Variants in NALCN observed in about 807,000 individuals in gnomAD.
NALCN encodes the protein sodium leak channel, non-selective.
NALCN carries 111 observed loss-of-function variants against 225.3 expected under a neutral mutation model. The observed-to-expected ratio is 0.49, with a 90% CI of 0.42 to 0.58. The LOEUF (loss-of-function observed/expected upper bound fraction) is 0.58, where lower values mean the gene tolerates loss of function less well. Among genes scored for constraint, NALCN ranks in the 20% least tolerant of loss-of-function variants. NALCN has a pLI of 0.00. For synonymous variants in NALCN, 764 were observed against 769.0 expected (o/e 0.99, Z 0.11); for missense variants, 1,378 against 2,202.4 (o/e 0.63, Z 7.49).
intron 6 of NALCN, among the ~76,000 whole-genome samples, chr13:101,369,441 T>C (rs1309598343): frequency 1.3e-5 from 2 of 152,154 alleles, no homozygotes; most frequent in Admixed American, 6.5e-5. Context: ...TAGCAAAGAA[T>C]ACTTACTGAA....
intron 28 of NALCN, among the ~76,000 whole-genome samples, chr13:101,091,772 C>A (rs1013374332): frequency 6.6e-6 from 1 of 152,108 alleles, no homozygotes; most frequent in Non-Finnish European, 1.5e-5. Flanking sequence ...TCCTTACCTG[C>A]TCATTTTCTT....
chr13:101,338,189 C>T (rs1167011144), intron 7 of NALCN, among the ~76,000 whole-genome samples: 2 of 152,168 alleles, frequency 1.3e-5, no homozygotes, highest in South Asian at 4.1e-4. Context: ...CAAAGTGATC[C>T]ACCATATACA....
At chr13:101,202,841 G>A (rs2040175417) in intron 13 of NALCN, among the ~76,000 whole-genome samples, 1 of 152,178 alleles carries the variant, frequency 6.6e-6, no homozygotes, top group Non-Finnish European at 1.5e-5. Flanking sequence ...AGAAGGAATG[G>A]CTGAGGGACT....
chr13:101,355,534 C>A (rs990496237), intron 6 of NALCN, among the ~76,000 whole-genome samples: 71 of 152,194 alleles, frequency 4.7e-4, no homozygotes, highest in Middle Eastern at 3.4e-3. Context: ...TACAGGAGCA[C>A]CCAGATTCAT....
intron 6 of NALCN, among the ~76,000 whole-genome samples, chr13:101,372,893 T>G (rs2046580303): frequency 6.6e-6 from 1 of 151,872 alleles, no homozygotes; most frequent in Non-Finnish European, 1.5e-5. Flanking sequence ...GGGCAAAGAT[T>G]CTTGTGTGTG....
intron 13 of NALCN, among the ~76,000 whole-genome samples, chr13:101,215,119 GGTAAA>G (rs1435046150): frequency 6.6e-6 from 1 of 152,044 alleles, no homozygotes; most frequent in African/African-American, 2.4e-5. Flanking sequence ...GTTCCTGAGT[GGTAAA>G]GTAGAGAATA....
intron 3 of NALCN, among the ~76,000 whole-genome samples, chr13:101,386,370 A>T (rs1213594043): frequency 1.3e-5 from 2 of 152,174 alleles, no homozygotes; most frequent in South Asian, 2.1e-4. Context: ...TCTGTCCCAC[A>T]GAGTGAACCA....
intron 7 of NALCN, among the ~76,000 whole-genome samples, chr13:101,321,496 A>G (rs767504380): frequency 6.6e-6 from 1 of 152,180 alleles, no homozygotes; most frequent in African/African-American, 2.4e-5. Flanking sequence ...TGGTGGGAGT[A>G]TGCAGGAACA....
At chr13:101,143,247 CA>C in intron 16 of NALCN, 26 bp from the exon 17 acceptor site, 1 of 1,580,150 alleles carries the variant, frequency 6.3e-7, no homozygotes, top group Non-Finnish European at 8.6e-7. Flanking sequence ...ATATGTGCAT[CA>C]GGCATTATTA....
chr13:101,149,940 A>G (rs1336586547), intron 15 of NALCN, among the ~76,000 whole-genome samples: 2 of 152,244 alleles, frequency 1.3e-5, no homozygotes, highest in Non-Finnish European at 2.9e-5. Context: ...GTGCACACCC[A>G]CAAGGCACAA....
intron 15 of NALCN, among the ~76,000 whole-genome samples, chr13:101,157,859 TCTC>T (rs1235559262): frequency 6.6e-6 from 1 of 151,556 alleles, no homozygotes; most frequent in Non-Finnish European, 1.5e-5. Context: ...TTCAAGCAAT[TCTC>T]CTGCCTCAGC....
intron 1 of NALCN, among the ~76,000 whole-genome samples, chr13:101,411,628 G>C (rs556562940): frequency 6.6e-6 from 1 of 152,132 alleles, no homozygotes; most frequent in Non-Finnish European, 1.5e-5. Context: ...GATTACAGGC[G>C]TGAGCCACCG....
chr13:101,217,726 T>A (rs889312217), intron 13 of NALCN, among the ~76,000 whole-genome samples: 2 of 152,116 alleles, frequency 1.3e-5, no homozygotes, highest in African/African-American at 4.8e-5. Context: ...TGGTATGTGA[T>A]AGAAACTGAC....
intron 11 of NALCN, among the ~76,000 whole-genome samples, chr13:101,255,057 A>C (rs972747890): frequency 7.9e-5 from 12 of 152,096 alleles, no homozygotes; most frequent in African/African-American, 2.9e-4. Context: ...ACCCTTTCTT[A>C]TTATTATTGT....
rs559064733 is a variant in NALCN, at chr13:101,404,695, A to C, written c.-39-5530T>G. Among the ~76,000 whole-genome samples, 46 of 152,334 alleles carry C rather than the reference A, an allele frequency of 3.0e-4. 1 individual carries two copies. The South Asian group carries it at 6.8e-3, about 23-fold the overall frequency. ...TTTCCATGCATACATTTATTTTTAA[A>C]TGGCTGCTTACACATGGTTTTGTAA... On this transcript the variant is annotated intron_variant, in intron 1 of 43. Coordinates refer to ENST00000251127, the MANE Select transcript of NALCN (RefSeq NM_052867.4).
intron 15 of NALCN, among the ~76,000 whole-genome samples, chr13:101,156,147 T>C (rs1005718984): frequency 6.6e-6 from 1 of 152,172 alleles, no homozygotes; most frequent in Non-Finnish European, 1.5e-5. Context: ...TCGGCTTCTC[T>C]AGTCTTCAGA....
At chr13:101,337,273 CTTTATTATTTA>C (rs918223271) in intron 7 of NALCN, among the ~76,000 whole-genome samples, 6 of 144,814 alleles carry the variant, frequency 4.1e-5, no homozygotes, top group African/African-American at 1.3e-4. Context: ...CACATTTACT[CTTTATTATTTA>C]TTTATTTATT....
At chr13:101,106,866 C>A (rs608555) in intron 22 of NALCN, among the ~76,000 whole-genome samples, 85,287 of 152,010 alleles carry the variant, frequency 0.56, 24,126 homozygotes, top group African/African-American at 0.64. Context: ...AAAATGGACT[C>A]ATACAGGTAT....
At chr13:101,195,147 A>T (rs971189888) in intron 13 of NALCN, among the ~76,000 whole-genome samples, 1 of 152,244 alleles carries the variant, frequency 6.6e-6, no homozygotes. Context: ...AAAATGAAGC[A>T]ACTGACCTCA....
Sources: allele counts gnomAD v4.1 joint callset (sites outside exome capture counted in the v4.1 genomes callset), GRCh38; gene constraint gnomAD v4.1.1; transcripts MANE v1.5; gene names NCBI Gene and HGNC (gene_info 2026-07-23, HGNC 2026-07-21).